Variants in IGLON5 observed in about 807,000 individuals in gnomAD.
The protein encoded by IGLON5 is Ig-like domain-containing protein ENSP00000270642.
IGLON5 carries 16 observed loss-of-function variants against 38.2 expected under a neutral mutation model. That is an observed-to-expected ratio of 0.42 (90% CI 0.28 to 0.64). The LOEUF is 0.64. IGLON5 is among the 30% of genes least tolerant of loss of function. The pLI is 0.23. For synonymous variants in IGLON5, 207 were observed against 216.4 expected (o/e 0.96, Z 0.38); for missense variants, 366 against 483.4 (o/e 0.76, Z 2.28).
intron 7 of IGLON5, 102 bp from the exon 8 acceptor site, chr19:51,328,569 G>A (rs1385213191): frequency 4.2e-5 from 22 of 528,510 alleles, no homozygotes; most frequent in Non-Finnish European, 6.7e-5. Context: ...GATCCAGAAA[G>A]GACGCTAAAG....
At chr19:51,316,361 A>G (rs1187976215) in intron 1 of IGLON5, among the ~76,000 whole-genome samples, 10 of 148,072 alleles carry the variant, frequency 6.8e-5, no homozygotes, top group African/African-American at 2.3e-4. Context: ...AAAAAAAAAG[A>G]AAAGAAACAA....
At chr19:51,322,573 C>CCTCTCTCT (rs372781205) in intron 2 of IGLON5, among the ~76,000 whole-genome samples, 41 of 133,412 alleles carry the variant, frequency 3.1e-4, no homozygotes, top group African/African-American at 1.0e-3. Context: ...TCTCTCCACG[C>CCTCTCTCT]CTCTCTCTCT....
intron 2 of IGLON5, among the ~76,000 whole-genome samples, chr19:51,322,964 TCCCC>T: frequency 6.9e-6 from 1 of 145,302 alleles, no homozygotes; most frequent in South Asian, 2.3e-4. Context: ...TGGGTCTCTG[TCCCC>T]CTCTCTCTGG....
Position 51,329,355 on chromosome 19 carries a change from G to T in IGLON5, c.*596G>T, listed in dbSNP as rs1224733315. On this transcript the variant is annotated 3_prime_UTR_variant, in exon 8 of 8. Transcript: ENST00000270642. The surrounding 1 kb of genome is among the most constrained non-coding windows in gnomAD (Gnocchi z 4.3). ...AAGGGCAACTCCTGGCAGGTTGGGA[G>T]TGGGGAGGGGCATCGCACTCACCTG... 1 of 152,242 alleles carries T rather than the reference G, an allele frequency of 6.6e-6. No individual in the cohort carries two copies. The highest frequency in any genetic ancestry group is 1.9e-4 in the East Asian group (1 of 5,184). 9.4% of individuals were successfully genotyped at this position (152,242 alleles called of 1,614,324 possible).
chr19:51,324,509 G>C lies in IGLON5; in HGVS notation c.391+615G>C, dbSNP rs531710508. Among the ~76,000 whole-genome samples, 1 of 152,202 alleles carries C rather than the reference G, an allele frequency of 6.6e-6. No individual in the cohort carries two copies. Among genetic ancestry groups the C allele is most frequent in the African/African-American group, 2.4e-5 (1 of 41,536 alleles). ...TGGAGAGACAGGACCTGGAGACAGAGAGAATCCAGGGGGATCCTGGCAAGC... is the reference window on the plus strand; with the variant it reads ...TGGAGAGACAGGACCTGGAGACAGACAGAATCCAGGGGGATCCTGGCAAGC... On this transcript the variant is annotated intron_variant, in intron 3 of 7. Coordinates refer to ENST00000270642, the MANE Select transcript of IGLON5 (RefSeq NM_001101372.3). The surrounding 1 kb of genome is among the most constrained non-coding windows in gnomAD (Gnocchi z 4.2).
At position 51,325,319 on chromosome 19, in the gene IGLON5, A is replaced by G. The variant is rs1332994479; in HGVS notation, c.392-27A>G. 1.2e-6 allele frequency: 2 copies of G among 1,608,894 alleles called. No homozygotes were observed. The highest frequency in any genetic ancestry group is 2.7e-5 in the African/African-American group (2 of 74,812). ...TGGGGGCCTGGATTCCTGGGCATCCATATTCAGCCTCTGCCGCTGCCCGCA... is the reference window on the plus strand; with the variant it reads ...TGGGGGCCTGGATTCCTGGGCATCCGTATTCAGCCTCTGCCGCTGCCCGCA... On this transcript the variant is annotated intron_variant, in intron 3 of 7. Transcript: ENST00000270642. This position sits in a 1 kb window ranked among gnomAD's most constrained non-coding sequence, Gnocchi z 5.5.
In IGLON5 at chr19:51,325,198, G is replaced by C. The variant is rs1985182335; in HGVS notation, c.392-148G>C. On this transcript the variant is annotated intron_variant, in intron 3 of 7. Coordinates refer to ENST00000270642, the MANE Select transcript of IGLON5 (RefSeq NM_001101372.3). The surrounding 1 kb of genome is among the most constrained non-coding windows in gnomAD (Gnocchi z 5.5). ...GAGGAACTGCGGGTCTGAACTCCCG[G>C]GTCTGAGGGAGGAGGGGCTGGGGGT... The C allele has an allele frequency of 1.8e-6, 2 of 1,118,022 alleles. No individual in the cohort carries two copies. Among genetic ancestry groups the C allele is most frequent in the Admixed American group, 4.5e-5 (2 of 44,678 alleles). 69.3% of individuals were successfully genotyped at this position (1,118,022 alleles called of 1,614,324 possible).
intron 2 of IGLON5, among the ~76,000 whole-genome samples, chr19:51,323,002 C>T (rs1223577405): frequency 8.4e-5 from 9 of 106,962 alleles, no homozygotes; most frequent in South Asian, 3.2e-4. Flanking sequence ...TCTCTCTGGG[C>T]CTCTGTTCCC....
Position 51,325,493 on chromosome 19 carries a change from C to T in IGLON5, c.511+28C>T, listed in dbSNP as rs373720125. On this transcript the variant is annotated intron_variant, in intron 4 of 7. Coordinates refer to ENST00000270642, the MANE Select transcript of IGLON5 (RefSeq NM_001101372.3). The surrounding 1 kb of genome is among the most constrained non-coding windows in gnomAD (Gnocchi z 5.5). ...GAGGACCCCATCCCAGGTCAAAAGCCCCGTCCCCCACTGCGCAGTCTGGGC... is the reference window on the plus strand; with the variant it reads ...GAGGACCCCATCCCAGGTCAAAAGCTCCGTCCCCCACTGCGCAGTCTGGGC... 257 of 1,593,904 alleles carry T rather than the reference C, an allele frequency of 1.6e-4. No individual in the cohort carries two copies. Among genetic ancestry groups the T allele is most frequent in the Non-Finnish European group, 2.1e-4 (243 of 1,170,018 alleles).
In IGLON5 at chr19:51,323,657, T is replaced by C. The variant is rs377090244; in HGVS notation, c.159-5T>C. The C allele has an allele frequency of 2.4e-5, 39 of 1,605,560 alleles. No homozygotes were observed. The African/African-American group carries it at 4.8e-4, about 20-fold the overall frequency. ...GAAAAACCTTCCCACTCATTCTCCC[T>C]GCAGCTGCTTCATCGACGAGCACGT... On this transcript the variant is annotated splice_region_variant and splice_polypyrimidine_tract_variant and intron_variant, in intron 2 of 7. Transcript: ENST00000270642.
chr19:51,321,973 A>G (rs1403185877), intron 1 of IGLON5, 91 bp from the exon 2 acceptor site: 1 of 1,059,592 alleles, frequency 9.4e-7, no homozygotes, highest in Non-Finnish European at 1.5e-6. Context: ...GTCTGTGTCC[A>G]CAAGGACGTG....
intron 1 of IGLON5, among the ~76,000 whole-genome samples, chr19:51,317,100 A>G (rs1017050037): frequency 6.6e-6 from 1 of 152,102 alleles, no homozygotes; most frequent in Non-Finnish European, 1.5e-5. Flanking sequence ...AAGGTCACTC[A>G]GCTTGTTAGG....
chr19:51,317,700 A>G (rs556154243), intron 1 of IGLON5, among the ~76,000 whole-genome samples: 1 of 152,292 alleles, frequency 6.6e-6, no homozygotes, highest in Non-Finnish European at 1.5e-5. Flanking sequence ...GATGGTTCCT[A>G]AAAAAGAAGG....
chr19:51,323,927 G>A, intron 3 of IGLON5, 33 bp downstream of exon 3: 7 of 1,488,628 alleles, frequency 4.7e-6, no homozygotes, highest in Non-Finnish European at 6.5e-6. Context: ...GCTGGGTGGA[G>A]GGGTTGAGAG....
At position 51,325,334 on chromosome 19, in the gene IGLON5, C is replaced by T. The variant is rs755433421; in HGVS notation, c.392-12C>T. On this transcript the variant is annotated splice_polypyrimidine_tract_variant and intron_variant, in intron 3 of 7. Coordinates refer to ENST00000270642, the MANE Select transcript of IGLON5 (RefSeq NM_001101372.3). This position sits in a 1 kb window ranked among gnomAD's most constrained non-coding sequence, Gnocchi z 5.5. ...CTGGGCATCCATATTCAGCCTCTGCCGCTGCCCGCAGTCCCTGCCCGCATT... is the reference window on the plus strand; with the variant it reads ...CTGGGCATCCATATTCAGCCTCTGCTGCTGCCCGCAGTCCCTGCCCGCATT... 6.8e-6 allele frequency: 11 copies of T among 1,612,376 alleles called. No homozygotes were observed. In the East Asian group the frequency reaches 8.9e-5, roughly 13 times the overall value.
At chr19:51,328,461 G>A (rs1985268885) in intron 7 of IGLON5, among the ~76,000 whole-genome samples, 1 of 149,120 alleles carries the variant, frequency 6.7e-6, no homozygotes, top group Non-Finnish European at 1.5e-5. Context: ...ACAGTGAGCC[G>A]AGATTGCGCC....
rs1599827118 is a variant in IGLON5 at position 51,324,594 on chromosome 19, G to T, written c.391+700G>T. ...CTCAGTGCCACCGTCCACCAGCCCA[G>T]GGACCTTGAGCAGGGAAGAGGCCCG... is the stretch of plus-strand genomic sequence containing the variant. On this transcript the variant is annotated intron_variant, in intron 3 of 7. Transcript: ENST00000270642. The surrounding 1 kb of genome is among the most constrained non-coding windows in gnomAD (Gnocchi z 4.2). 6.6e-6 allele frequency among the ~76,000 whole-genome samples: 1 copy of T among 152,152 alleles called. No individual in the cohort carries two copies. The highest frequency in any genetic ancestry group is 1.5e-5 in the Non-Finnish European group (1 of 68,024).
At position 51,315,688 on chromosome 19, in the gene IGLON5, CTTTTTTTT is replaced by C. The variant is rs756194855; in HGVS notation, c.79+3780_79+3787del. Among the ~76,000 whole-genome samples, 83 of 82,584 alleles carry C rather than the reference CTTTTTTTT, an allele frequency of 1.0e-3. No homozygotes were observed. In the East Asian group the frequency reaches 0.025, roughly 25 times the overall value. The allele number at this position is 82,584 out of a possible 152,430, so 54.2% of individuals were successfully genotyped here. ...GACCTGAAGGAAGAGGGAAGTCAAC[CTTTTTTTT>C]TTTTTTTTTTTTTTTTTGAGACAGA... On this transcript the variant is annotated intron_variant, in intron 1 of 7. Transcript: ENST00000270642.
chr19:51,316,848 G>A (rs987780170), intron 1 of IGLON5, among the ~76,000 whole-genome samples: 3 of 152,064 alleles, frequency 2.0e-5, no homozygotes, highest in African/African-American at 2.4e-5. Flanking sequence ...GGGGACTCCT[G>A]GGTGCCAGAC....
Sources: allele counts gnomAD v4.1 joint callset (sites outside exome capture counted in the v4.1 genomes callset), GRCh38; gene constraint gnomAD v4.1.1; non-coding constraint Gnocchi (gnomAD v3.1); transcripts MANE v1.5; gene names NCBI Gene and HGNC (gene_info 2026-07-23, HGNC 2026-07-21).